Variants in EXD1 observed in about 807,000 individuals in gnomAD.
EXD1 encodes exonuclease 3'-5' domain containing 1.
A neutral mutation model predicts 49.1 loss-of-function variants in EXD1; 63 were observed. That is an observed-to-expected ratio of 1.28 (90% CI 1.05 to 1.58). EXD1 has a LOEUF of 1.58. Among genes scored for constraint, EXD1 ranks in the 40% most tolerant of loss-of-function variants. The pLI is 0.00. For missense variants in EXD1, 748 were observed against 666.0 expected (o/e 1.12, Z -1.36); for synonymous variants, 234 against 239.2 (o/e 0.98, Z 0.20).
rs746534397 is a variant in EXD1 at position 41,230,482 on chromosome 15, A to G, written c.-57T>C. On this transcript the variant is annotated 5_prime_UTR_variant, in exon 1 of 12. Transcript: ENST00000458580. Reference sequence around the variant, plus strand: ...GAACTTCAAATAAATGGCGGACCATAAGCTAGGAATTCACTGTCCTCCATC... The same window carrying G: ...GAACTTCAAATAAATGGCGGACCATGAGCTAGGAATTCACTGTCCTCCATC... The G allele has an allele frequency of 4.3e-6, 7 of 1,613,536 alleles. No individual in the cohort carries two copies. The highest frequency in any genetic ancestry group is 5.1e-6 in the Non-Finnish European group (6 of 1,179,548).
At chr15:41,195,702 G>T in intron 9 of EXD1, 73 bp downstream of exon 9, 1 of 1,134,086 alleles carries the variant, frequency 8.8e-7, no homozygotes, top group Non-Finnish European at 1.2e-6. Context: ...TCACTCATCA[G>T]ATGACCAGAT....
rs375397761 is a variant in EXD1, at chr15:41,191,512, C to T, written c.794G>A (p.Ser265Asn). Residue 265 changes from serine to asparagine, a missense_variant, in exon 10 of 12, where the codon AGT becomes AAT. Coordinates refer to ENST00000458580, the MANE Select transcript of EXD1 (RefSeq NM_001286441.2). ...LPNCITTLQE[S>N]LIKHLQVAPK... ...GGCTACTTGAAGGTGTTTGATTAAA[C>T]TCTCCTGCAAAGTAGTGATGCAGTT... 5.1e-5 allele frequency: 83 copies of T among 1,613,844 alleles called. No homozygotes were observed. The highest frequency in any genetic ancestry group is 6.6e-5 in the Non-Finnish European group (78 of 1,179,856).
At chr15:41,210,166 C>T (rs1375574921) in intron 6 of EXD1, among the ~76,000 whole-genome samples, 3 of 152,162 alleles carry the variant, frequency 2.0e-5, no homozygotes, top group Admixed American at 6.6e-5. Context: ...CTACCTGCCT[C>T]GGCCTCCCAA....
At chr15:41,202,382 G>T (rs1221385519) in intron 7 of EXD1, among the ~76,000 whole-genome samples, 2 of 151,638 alleles carry the variant, frequency 1.3e-5, no homozygotes, top group African/African-American at 4.8e-5. Context: ...TTGCCATGTT[G>T]CCCAGGCTGG....
rs184735465 is a variant in EXD1, at chr15:41,185,616, C to T, written c.1057-1023G>A. Among the ~76,000 whole-genome samples the T allele has an allele frequency of 3.8e-3, 574 of 152,092 alleles. 2 individuals are homozygous for T. The highest frequency in any genetic ancestry group is 0.02 in the South Asian group (97 of 4,814). On this transcript the variant is annotated intron_variant, in intron 11 of 11. Transcript: ENST00000458580. ...GCAATCTCCACCTCCTGGGCTCAAG[C>T]AATCCTCCCACGTCAGCCTCCCCCA...
chr15:41,207,929 T>C (rs2046858717), intron 7 of EXD1, among the ~76,000 whole-genome samples: 1 of 150,812 alleles, frequency 6.6e-6, no homozygotes, highest in African/African-American at 2.4e-5. Context: ...AAGAATTGCT[T>C]GAACCTGGGA....
chr15:41,184,224 C>A lies in EXD1; in HGVS notation c.1426G>T (p.Gly476Trp), dbSNP rs150875623. 2.5e-6 allele frequency: 4 copies of A among 1,614,052 alleles called. No individual in the cohort carries two copies. The highest frequency in any genetic ancestry group is 2.7e-5 in the African/African-American group (2 of 74,908). Reference sequence around the variant, plus strand: ...TGAGTTATTCTCTGGTCCTCTGACCCCTTTGACTTTGTGCAAATGAGTTTG... The same window carrying A: ...TGAGTTATTCTCTGGTCCTCTGACCACTTTGACTTTGTGCAAATGAGTTTG... ...SNKLICTKSK[G>W]SEDQRITQKE... The change falls in exon 12 of 12, where the codon GGG becomes TGG. Residue 476 changes from glycine (G) to tryptophan (W), a missense_variant. Coordinates refer to ENST00000458580, the MANE Select transcript of EXD1 (RefSeq NM_001286441.2).
At chr15:41,224,846 C>G (rs1190003803) in intron 2 of EXD1, among the ~76,000 whole-genome samples, 1 of 151,902 alleles carries the variant, frequency 6.6e-6, no homozygotes, top group East Asian at 1.9e-4. Context: ...AAGTGTAGTC[C>G]CAGCTACTCA....
At chr15:41,194,390 A>G (rs1290775706) in intron 9 of EXD1, among the ~76,000 whole-genome samples, 1 of 152,116 alleles carries the variant, frequency 6.6e-6, no homozygotes. Context: ...TGATGGAAGC[A>G]GGGATTACAG....
Position 41,183,685 on chromosome 15 carries a change from G to T in EXD1, c.*246C>A. ...CTAAACCCAAATTATGAAAAATAAT[G>T]CACTCTGGTCACTGAGAACATTTCT... is the stretch of plus-strand genomic sequence containing the variant. On this transcript the variant is annotated 3_prime_UTR_variant, in exon 12 of 12. Coordinates refer to ENST00000458580, the MANE Select transcript of EXD1 (RefSeq NM_001286441.2). 1 of 364,142 alleles carries T rather than the reference G, an allele frequency of 2.7e-6. No homozygotes were observed. Among genetic ancestry groups the T allele is most frequent in the Non-Finnish European group, 4.9e-6 (1 of 205,628 alleles). 22.6% of individuals were successfully genotyped at this position (364,142 alleles called of 1,614,324 possible). A position where few individuals can be genotyped will look rare whatever the true frequency, so the allele number is the denominator to read the frequency against.
chr15:41,204,982 T>G (rs2046800050), intron 7 of EXD1, among the ~76,000 whole-genome samples: 1 of 152,188 alleles, frequency 6.6e-6, no homozygotes, highest in Non-Finnish European at 1.5e-5. Context: ...GGTTTCCCAG[T>G]CAGTCTATTA....
intron 7 of EXD1, among the ~76,000 whole-genome samples, chr15:41,207,813 C>T (rs2046856952): frequency 1.3e-5 from 2 of 151,862 alleles, no homozygotes; most frequent in African/African-American, 4.8e-5. Context: ...GAATTCGAGA[C>T]AAGCCTGGCC....
intron 2 of EXD1, among the ~76,000 whole-genome samples, chr15:41,220,460 G>A (rs748810179): frequency 2.6e-5 from 4 of 152,048 alleles, no homozygotes; most frequent in Non-Finnish European, 4.4e-5. Context: ...GGGTTTCACC[G>A]TGTTAGCCAG....
intron 2 of EXD1, among the ~76,000 whole-genome samples, chr15:41,221,561 C>T (rs1226076386): frequency 6.6e-6 from 1 of 151,956 alleles, no homozygotes; most frequent in East Asian, 1.9e-4. Flanking sequence ...AGGTGTGAGC[C>T]ACCCTGCCTG....
chr15:41,216,909 C>G (rs1182800978), intron 4 of EXD1, 114 bp from the exon 5 acceptor site: 1 of 1,480,606 alleles, frequency 6.8e-7, no homozygotes, highest in African/African-American at 1.4e-5. Flanking sequence ...ACTAGAGGAC[C>G]CATTCATCCA....
intron 11 of EXD1, among the ~76,000 whole-genome samples, chr15:41,186,565 A>G (rs1239238606): frequency 6.6e-6 from 1 of 151,758 alleles, no homozygotes; most frequent in Non-Finnish European, 1.5e-5. Context: ...TTCCCTAAAC[A>G]ATGCAATATA....
At chr15:41,215,750 A>T in intron 6 of EXD1, 25 bp downstream of exon 6, 1 of 1,606,990 alleles carries the variant, frequency 6.2e-7, no homozygotes, top group Non-Finnish European at 8.5e-7. Flanking sequence ...AGGCAATACT[A>T]GTAATGATTG....
intron 1 of EXD1, among the ~76,000 whole-genome samples, chr15:41,226,971 GA>G (rs922566475): frequency 1.8e-4 from 28 of 152,100 alleles, no homozygotes; most frequent in African/African-American, 6.8e-4. Context: ...AAGAGCAAAT[GA>G]AAAAAATTGA....
At chr15:41,223,540 G>C (rs2140906408) in intron 2 of EXD1, among the ~76,000 whole-genome samples, 1 of 152,176 alleles carries the variant, frequency 6.6e-6, no homozygotes, top group East Asian at 1.9e-4. Context: ...AGGCAACATA[G>C]TGAGACCCCA....
Sources: allele counts gnomAD v4.1 joint callset (sites outside exome capture counted in the v4.1 genomes callset), GRCh38; gene constraint gnomAD v4.1.1; transcripts MANE v1.5; gene names NCBI Gene and HGNC (gene_info 2026-07-23, HGNC 2026-07-21).